Variants in PARD3B observed in about 807,000 individuals in gnomAD.
The protein encoded by PARD3B is par-3 family cell polarity regulator beta.
Under a neutral mutation model 130.2 loss-of-function variants are expected in PARD3B, and 103 were observed. The ratio of observed to expected loss-of-function variants is 0.79; its 90% CI spans 0.67 to 0.93. PARD3B has a LOEUF of 0.93. Ranked by LOEUF, PARD3B falls within the 40% of genes least tolerant of loss-of-function variation. The pLI is 0.00. For synonymous variants in PARD3B, 583 were observed against 553.2 expected (o/e 1.05, Z -0.76); for missense variants, 1,609 against 1,499.2 (o/e 1.07, Z -1.21).
chr2:205,503,310 T>C (rs2050227147), intron 21 of PARD3B, among the ~76,000 whole-genome samples: 1 of 152,160 alleles, frequency 6.6e-6, no homozygotes, highest in Non-Finnish European at 1.5e-5. Context: ...TTCATTCTGC[T>C]GGAGGTGCAT....
At chr2:205,396,323 G>A (rs1001040272) in intron 18 of PARD3B, among the ~76,000 whole-genome samples, 4 of 152,100 alleles carry the variant, frequency 2.6e-5, no homozygotes, top group East Asian at 3.9e-4. Context: ...ATTTCATGAC[G>A]ATATTGTGTG....
At chr2:205,065,437 C>T (rs189283816) in intron 4 of PARD3B, among the ~76,000 whole-genome samples, 11 of 152,232 alleles carry the variant, frequency 7.2e-5, no homozygotes, top group South Asian at 2.1e-4. Flanking sequence ...ATATCCTGAC[C>T]CAATATATAA....
rs2036385685 is a variant in PARD3B at position 204,673,160 on chromosome 2, C to T, written c.121-13021C>T. ...ATTTTGGGGAGTATGCTGAATTATCCTATTTATGTGGCACATGCCCAGCCA... is the reference window on the plus strand; with the variant it reads ...ATTTTGGGGAGTATGCTGAATTATCTTATTTATGTGGCACATGCCCAGCCA... On this transcript the variant is annotated intron_variant, in intron 1 of 22. Coordinates refer to ENST00000406610, the MANE Select transcript of PARD3B (RefSeq NM_001302769.2). This position sits in a 1 kb window ranked among gnomAD's most constrained non-coding sequence, Gnocchi z 4.7. 6.6e-6 allele frequency among the ~76,000 whole-genome samples: 1 copy of T among 152,110 alleles called. No individual in the cohort carries two copies.
At chr2:205,115,913 G>A (rs1470292156) in intron 6 of PARD3B, among the ~76,000 whole-genome samples, 1 of 151,946 alleles carries the variant, frequency 6.6e-6, no homozygotes, top group African/African-American at 2.4e-5. Flanking sequence ...ACTGTAATTG[G>A]CTTTGCCTCC....
intron 1 of PARD3B, among the ~76,000 whole-genome samples, chr2:204,641,938 A>T (rs1380247976): frequency 2.6e-5 from 4 of 152,214 alleles, no homozygotes; most frequent in Admixed American, 2.0e-4. Flanking sequence ...AAGGAATATT[A>T]AAAAAGCCTT....
rs143588051 is a variant in PARD3B at position 205,057,571 on chromosome 2, A to G, written c.504+9881A>G. Among the ~76,000 whole-genome samples, 353 of 142,806 alleles carry G rather than the reference A, an allele frequency of 2.5e-3. 6 individuals carry two copies. Among genetic ancestry groups the G allele is most frequent in the African/African-American group, 6.3e-3 (243 of 38,646 alleles). The allele number at this position is 142,806 out of a possible 152,430, so 93.7% of individuals were successfully genotyped here. On this transcript the variant is annotated intron_variant, in intron 4 of 22. Transcript: ENST00000406610. ...TGTATATGTATATATACATATATGT[A>G]TATGTGTATGTGTATACGTATATAT...
At chr2:205,380,190 T>TAATATAATATGTAAAGA (rs1170884542) in intron 18 of PARD3B, among the ~76,000 whole-genome samples, 8 of 111,570 alleles carry the variant, frequency 7.2e-5, no homozygotes, top group African/African-American at 3.0e-4. Flanking sequence ...GTAAAGAATA[T>TAATATAATATGTAAAGA]ATATTATATA....
chr2:204,548,186 C>T (rs13399965), intron 1 of PARD3B, among the ~76,000 whole-genome samples: 7,590 of 151,902 alleles, frequency 0.05, 624 homozygotes, highest in African/African-American at 0.17. Context: ...CAATAAATAC[C>T]CTAACAAATT....
At chr2:205,168,319 G>A (rs113128469) in intron 11 of PARD3B, among the ~76,000 whole-genome samples, 1 of 146,760 alleles carries the variant, frequency 6.8e-6, no homozygotes, top group Non-Finnish European at 1.5e-5. Context: ...GAGAGAGAGA[G>A]AGTGTGTGTG....
chr2:205,585,088 T>C lies in PARD3B; in HGVS notation c.3261-30368T>C, dbSNP rs1307470192. Among the ~76,000 whole-genome samples, 1 of 152,158 alleles carries C rather than the reference T, an allele frequency of 6.6e-6. No individual in the cohort carries two copies. The highest frequency in any genetic ancestry group is 1.5e-5 in the Non-Finnish European group (1 of 68,014). On this transcript the variant is annotated intron_variant, in intron 22 of 22. Transcript: ENST00000406610. The surrounding 1 kb of genome is among the most constrained non-coding windows in gnomAD (Gnocchi z 5.4). ...CCAACCAAAATGGAGGCCTGGATAGTGGAGGCGTGAAAATAGATCCTTCGT... is the reference window on the plus strand; with the variant it reads ...CCAACCAAAATGGAGGCCTGGATAGCGGAGGCGTGAAAATAGATCCTTCGT...
chr2:205,131,834 G>C (rs560619127), intron 10 of PARD3B, among the ~76,000 whole-genome samples: 1 of 152,224 alleles, frequency 6.6e-6, no homozygotes, highest in East Asian at 1.9e-4. Flanking sequence ...TTTTGAATAA[G>C]TTTGGAGGGG....
intron 20 of PARD3B, among the ~76,000 whole-genome samples, chr2:205,493,693 C>T (rs1450832624): frequency 2.0e-5 from 3 of 151,674 alleles, no homozygotes; most frequent in African/African-American, 7.3e-5. Context: ...AAGTTACAGG[C>T]TATAAAAGCC....
chr2:204,616,781 C>T lies in PARD3B; in HGVS notation c.121-69400C>T, dbSNP rs567599973. ...TACATCCAGACAATGGAATATTATTCAGTGAATGGGAAGTCCTGCGTGTAG... is the reference window on the plus strand; with the variant it reads ...TACATCCAGACAATGGAATATTATTTAGTGAATGGGAAGTCCTGCGTGTAG... On this transcript the variant is annotated intron_variant, in intron 1 of 22. Coordinates refer to ENST00000406610, the MANE Select transcript of PARD3B (RefSeq NM_001302769.2). Among the ~76,000 whole-genome samples the T allele has an allele frequency of 3.9e-5, 6 of 152,266 alleles. No homozygotes were observed. The South Asian group carries it at 8.3e-4, about 21-fold the overall frequency.
chr2:204,682,426 A>G (rs1201131126), intron 1 of PARD3B, among the ~76,000 whole-genome samples: 1 of 152,220 alleles, frequency 6.6e-6, no homozygotes, highest in Non-Finnish European at 1.5e-5. Flanking sequence ...CATACAAAAC[A>G]CATAGTACCT....
chr2:205,545,803 A>G (rs1345969805), intron 21 of PARD3B, among the ~76,000 whole-genome samples: 3 of 152,056 alleles, frequency 2.0e-5, no homozygotes, highest in Non-Finnish European at 4.4e-5. Context: ...TTATTCTTTT[A>G]TTTTCAATGA....
At chr2:204,603,603 A>C (rs900383130) in intron 1 of PARD3B, among the ~76,000 whole-genome samples, 2 of 151,918 alleles carry the variant, frequency 1.3e-5, no homozygotes, top group Admixed American at 6.6e-5. Flanking sequence ...CCTTATAATC[A>C]TTTGTTACAA....
rs1659437841 is a variant in PARD3B at position 205,617,694 on chromosome 2, G to A, written c.*1881G>A. The A allele has an allele frequency of 6.6e-6, 1 of 152,166 alleles. No homozygotes were observed. Among genetic ancestry groups the A allele is most frequent in the African/African-American group, 2.4e-5 (1 of 41,444 alleles). 9.4% of individuals were successfully genotyped at this position (152,166 alleles called of 1,614,324 possible). On this transcript the variant is annotated 3_prime_UTR_variant, in exon 23 of 23. Coordinates refer to ENST00000406610, the MANE Select transcript of PARD3B (RefSeq NM_001302769.2). ...TTGCAATTTGTTCGAAGTGGTTGAG[G>A]ATCTCAGGCCCTGCTCACGTGAGGT...
chr2:205,168,626 A>G (rs1392750274), intron 11 of PARD3B, among the ~76,000 whole-genome samples: 1 of 150,974 alleles, frequency 6.6e-6, no homozygotes, highest in Non-Finnish European at 1.5e-5. Flanking sequence ...ATAGACGTGC[A>G]TGTATGGATG....
chr2:204,882,746 T>C (rs2046102921), intron 2 of PARD3B, among the ~76,000 whole-genome samples: 1 of 152,226 alleles, frequency 6.6e-6, no homozygotes, highest in African/African-American at 2.4e-5. Context: ...TACAAAATCT[T>C]GCCCTTCCTC....
Sources: allele counts gnomAD v4.1 joint callset (sites outside exome capture counted in the v4.1 genomes callset), GRCh38; gene constraint gnomAD v4.1.1; non-coding constraint Gnocchi (gnomAD v3.1); transcripts MANE v1.5; gene names NCBI Gene and HGNC (gene_info 2026-07-23, HGNC 2026-07-21).